Variants in PCDHGA4 observed in about 807,000 individuals in gnomAD.
PCDHGA4 encodes protocadherin gamma subfamily A, 4, also known as protocadherin gamma-A4.
PCDHGA4 carries 38 observed loss-of-function variants against 54.6 expected under a neutral mutation model. That is an observed-to-expected ratio of 0.70 (90% confidence interval 0.54 to 0.91). PCDHGA4 has a LOEUF of 0.91. Among genes scored for constraint, PCDHGA4 ranks in the 40% least tolerant of loss-of-function variants. The pLI, the probability that PCDHGA4 is intolerant of heterozygous loss-of-function variation, is 0.00. For synonymous variants in PCDHGA4, 511 were observed against 512.9 expected, an observed-to-expected ratio of 1.00 and a Z score of 0.05; for missense variants, 1,298 against 1,220.9, an observed-to-expected ratio of 1.06 and a Z score of -0.94.
chr5:141,441,927 G>A (rs2098285195), intron 1 of PCDHGA4: 2 of 354,242 alleles, frequency 5.6e-6, no homozygotes, highest in Non-Finnish European at 1.1e-5. Flanking sequence ...ACAATGCGTG[G>A]CTGTCCTACC....
intron 1 of PCDHGA4, chr5:141,479,198 GA>G (rs1288699377): frequency 6.6e-6 from 1 of 152,304 alleles, no homozygotes; most frequent in African/African-American, 2.4e-5. Context: ...AGAAAATACA[GA>G]AAAGTATTTA....
intron 1 of PCDHGA4, among the ~76,000 whole-genome samples, chr5:141,494,146 T>C (rs1167835696): frequency 1.3e-5 from 2 of 152,168 alleles, no homozygotes; most frequent in Non-Finnish European, 2.9e-5. Context: ...TCACAGACCA[T>C]TGTCTGGCAC....
intron 1 of PCDHGA4, chr5:141,393,734 A>G (rs1453820640): frequency 1.9e-6 from 3 of 1,613,888 alleles, no homozygotes; most frequent in East Asian, 2.2e-5. Context: ...CAAAAAGTCT[A>G]GATTATGAAG....
In PCDHGA4 at chr5:141,476,291, G is replaced by T. The variant is rs1385060012; in HGVS notation, c.2515-18516G>T. The stretch of plus-strand genomic sequence containing the variant: ...GGTCGCGAACCTTGGTTTGGATCTC[G>T]GTAGCCTCTCAGCCCGCAGGTTCCG... On this transcript the variant is annotated intron_variant, in intron 1 of 3. Coordinates refer to ENST00000571252, the MANE Select transcript of PCDHGA4 (RefSeq NM_018917.4). This position sits in a 1 kb window ranked among gnomAD's most constrained non-coding sequence, Gnocchi z 7.6. 4 of 1,614,128 alleles carry T rather than the reference G, an allele frequency of 2.5e-6. No homozygotes were observed. Among genetic ancestry groups the T allele is most frequent in the South Asian group, 1.1e-5 (1 of 91,072 alleles).
At chr5:141,462,035 C>T (rs35674654) in intron 1 of PCDHGA4, among the ~76,000 whole-genome samples, 14,886 of 152,176 alleles carry the variant, frequency 0.098, 964 homozygotes, top group Non-Finnish European at 0.14. Context: ...GTTGGTCAGG[C>T]GGGTCTTGAA....
intron 1 of PCDHGA4, chr5:141,362,500 C>G (rs779723361): frequency 6.2e-7 from 1 of 1,614,012 alleles, no homozygotes; most frequent in South Asian, 1.1e-5. Context: ...CTCTTGGGAA[C>G]AAAATACAAA....
At chr5:141,508,792 C>T (rs1198342551) in intron 3 of PCDHGA4, among the ~76,000 whole-genome samples, 3 of 152,130 alleles carry the variant, frequency 2.0e-5, no homozygotes, top group Admixed American at 6.5e-5. Flanking sequence ...CTAAATCACT[C>T]TGGAATCCTG....
chr5:141,508,527 GCACC>G (rs2099869479), intron 3 of PCDHGA4, among the ~76,000 whole-genome samples: 1 of 152,104 alleles, frequency 6.6e-6, no homozygotes, highest in Non-Finnish European at 1.5e-5. Flanking sequence ...CAACCTCAGG[GCACC>G]CCCCACGAGG....
Position 141,355,254 on chromosome 5 carries a change from T to G in PCDHGA4, c.147T>G (p.Leu49=), listed in dbSNP as rs754855559. ...PDHTRLLQIC[L]LLGVLVEIRA... ...ACACCCGGCTGCTCCAGATCTGCCT[T>G]CTCCTGGGGGTTCTGGTGGAAATCA... Residue 49 remains leucine (L), a synonymous_variant, in exon 1 of 4, where the codon CTT becomes CTG. Transcript: ENST00000571252. 6.2e-7 allele frequency: 1 copy of G among 1,613,332 alleles called. No individual in the cohort carries two copies. Among genetic ancestry groups the G allele is most frequent in the South Asian group, 1.1e-5 (1 of 91,042 alleles).
Position 141,485,208 on chromosome 5 carries a change from G to T in PCDHGA4, c.2515-9599G>T, listed in dbSNP as rs2099609377. On this transcript the variant is annotated intron_variant, in intron 1 of 3. Coordinates refer to ENST00000571252, the MANE Select transcript of PCDHGA4 (RefSeq NM_018917.4). This position sits in a 1 kb window ranked among gnomAD's most constrained non-coding sequence, Gnocchi z 5.7. ...AAGGTGAGAAGCTGGACAGAAATCT[G>T]GCGGTGGGCTACCCTTTTGTTCCTC... The T allele has an allele frequency of 6.2e-7, 1 of 1,613,998 alleles. No homozygotes were observed. The highest frequency in any genetic ancestry group is 1.3e-5 in the African/African-American group (1 of 74,930).
chr5:141,438,450 A>G (rs1017249043), intron 1 of PCDHGA4, among the ~76,000 whole-genome samples: 32 of 151,738 alleles, frequency 2.1e-4, no homozygotes, highest in African/African-American at 7.5e-4. Flanking sequence ...ACTCAATACA[A>G]TGCTTGAGTT....
At chr5:141,444,288 C>T (rs2098430665) in intron 1 of PCDHGA4, among the ~76,000 whole-genome samples, 1 of 150,100 alleles carries the variant, frequency 6.7e-6, no homozygotes, top group South Asian at 2.1e-4. Flanking sequence ...TCTCCTGCCT[C>T]AGCCTCCCTA....
chr5:141,490,473 T>C lies in PCDHGA4; in HGVS notation c.2515-4334T>C. 6.2e-7 allele frequency: 1 copy of C among 1,614,228 alleles called. No homozygotes were observed. Among genetic ancestry groups the C allele is most frequent in the East Asian group, 2.2e-5 (1 of 44,878 alleles). On this transcript the variant is annotated intron_variant, in intron 1 of 3. Transcript: ENST00000571252. This position sits in a 1 kb window ranked among gnomAD's most constrained non-coding sequence, Gnocchi z 5.4. ...ACTACTCGCTGCTAACCAGCCAGCC[T>C]TTGGACCGGGAGGCCACATCCCACT...
At chr5:141,360,018 A>C in intron 1 of PCDHGA4, 12 of 1,225,116 alleles carry the variant, frequency 9.8e-6, no homozygotes, top group Non-Finnish European at 1.3e-5. Flanking sequence ...CACACAGAGA[A>C]GGCCAGTATA....
At position 141,404,863 on chromosome 5, in the gene PCDHGA4, G is replaced by A. The variant is rs370856862; in HGVS notation, c.2514+47242G>A. 507 of 1,613,746 alleles carry A rather than the reference G, an allele frequency of 3.1e-4. 2 individuals are homozygous for A. The highest frequency in any genetic ancestry group is 3.8e-4 in the Non-Finnish European group (451 of 1,179,902). On this transcript the variant is annotated intron_variant, in intron 1 of 3. Coordinates refer to ENST00000571252, the MANE Select transcript of PCDHGA4 (RefSeq NM_018917.4). ...CTCGGGCCCTGCTAGATAGAGATGC[G>A]CTCAAACAGAGCCTTGTGGTGGCTG...
At chr5:141,370,519 A>G (rs1766991925) in intron 1 of PCDHGA4, 1 of 1,613,730 alleles carries the variant, frequency 6.2e-7, no homozygotes, top group South Asian at 1.1e-5. Context: ...GAGGAGCTGG[A>G]CAGGGGCTCG....
chr5:141,456,327 G>C (rs917430790), intron 1 of PCDHGA4, among the ~76,000 whole-genome samples: 1 of 152,186 alleles, frequency 6.6e-6, no homozygotes, highest in African/African-American at 2.4e-5. Flanking sequence ...TCCTGGGGTT[G>C]ATCTAAGGGT....
intron 1 of PCDHGA4, chr5:141,418,609 C>G: frequency 6.2e-7 from 1 of 1,614,026 alleles, no homozygotes. Flanking sequence ...ACAGGGTTAG[C>G]CTTCGGGAAG....
intron 1 of PCDHGA4, chr5:141,366,619 G>T (rs769993265): frequency 6.2e-7 from 1 of 1,614,222 alleles, no homozygotes; most frequent in Non-Finnish European, 8.5e-7. Flanking sequence ...CCGCGGACTC[G>T]AGGAAGAGTC....
Sources: gnomAD v4.1 joint callset for allele counts (sites outside exome capture counted in the v4.1 genomes callset) on GRCh38, gnomAD v4.1.1 for gene constraint, Gnocchi (gnomAD v3.1) non-coding constraint, MANE v1.5 for transcripts, NCBI Gene and HGNC (gene_info 2026-07-23, HGNC 2026-07-21) for gene names.